The following MLIP variants were observed in gnomAD, a reference collection of about 807,000 sequenced individuals.
MLIP encodes muscular LMNA interacting protein.
A neutral mutation model predicts 84.8 loss-of-function variants in MLIP; 79 were observed. The ratio of observed to expected loss-of-function variants is 0.93; its 90% CI spans 0.78 to 1.12. MLIP has a LOEUF of 1.12. MLIP is among the 50% of genes most tolerant of loss of function. The probability of loss-of-function intolerance (pLI) is 0.00; values close to 1 mark genes in which losing one functional copy is unlikely to be tolerated. For missense variants in MLIP, 1,257 were observed against 1,160.6 expected, an observed-to-expected ratio of 1.08 and a Z score of -1.21; for synonymous variants, 504 against 463.0, an observed-to-expected ratio of 1.09 and a Z score of -1.14.
chr6:54,150,380 A>T (rs1419713817), intron 5 of MLIP, among the ~76,000 whole-genome samples: 1 of 152,164 alleles, frequency 6.6e-6, no homozygotes, highest in Non-Finnish European at 1.5e-5. Flanking sequence ...AGACTTCTGG[A>T]GGTTGTGGAA....
intron 11 of MLIP, among the ~76,000 whole-genome samples, chr6:54,222,458 G>A (rs569738866): frequency 5.3e-5 from 8 of 151,974 alleles, no homozygotes; most frequent in East Asian, 3.9e-4. Context: ...TTTAAGTTAC[G>A]TAATGCACTA....
intron 4 of MLIP, among the ~76,000 whole-genome samples, chr6:54,142,996 A>C (rs1274847645): frequency 6.6e-6 from 1 of 151,366 alleles, no homozygotes; most frequent in Non-Finnish European, 1.5e-5. Flanking sequence ...CATTTACTCC[A>C]CTCCCTTCAC....
intron 11 of MLIP, among the ~76,000 whole-genome samples, chr6:54,223,017 A>G (rs933044832): frequency 3.3e-5 from 5 of 151,998 alleles, no homozygotes; most frequent in South Asian, 2.1e-4. Context: ...CTCATTGGCC[A>G]TATCTTCTTT....
chr6:54,200,461 C>T (rs1778593872), intron 10 of MLIP, among the ~76,000 whole-genome samples: 1 of 151,366 alleles, frequency 6.6e-6, no homozygotes, highest in Non-Finnish European at 1.5e-5. Flanking sequence ...GCAGGAAGTG[C>T]AGGAATAGGA....
intron 1 of MLIP, among the ~76,000 whole-genome samples, chr6:54,027,375 ACACACACACAC>A (rs1763873603): frequency 0.017 from 2 of 120 alleles, no homozygotes; most frequent in Non-Finnish European, 0.023. Flanking sequence ...TAAAAAAAAT[ACACACACACAC>A]ACACACACAC....
At chr6:54,036,350 A>G (rs1764440927) in intron 1 of MLIP, among the ~76,000 whole-genome samples, 1 of 151,890 alleles carries the variant, frequency 6.6e-6, no homozygotes, top group Admixed American at 6.6e-5. Context: ...CACCAATAAC[A>G]GACAAATAGA....
intron 1 of MLIP, among the ~76,000 whole-genome samples, chr6:54,093,995 A>G (rs1301141123): frequency 6.6e-6 from 1 of 152,206 alleles, no homozygotes; most frequent in Non-Finnish European, 1.5e-5. Flanking sequence ...TATCCAAAGA[A>G]CAGTAGCTGT....
chr6:54,247,485 A>C (rs1782161785), intron 12 of MLIP, among the ~76,000 whole-genome samples: 1 of 152,198 alleles, frequency 6.6e-6, no homozygotes, highest in African/African-American at 2.4e-5. Context: ...TGACAGGACC[A>C]TATAGTCAGA....
At chr6:54,096,324 A>G (rs1378539816) in intron 1 of MLIP, among the ~76,000 whole-genome samples, 1 of 152,176 alleles carries the variant, frequency 6.6e-6, no homozygotes, top group South Asian at 2.1e-4. Flanking sequence ...TATTATTAAA[A>G]TTGGTACTTT....
chr6:54,174,891 T>C (rs1776129600), intron 9 of MLIP, among the ~76,000 whole-genome samples: 1 of 152,068 alleles, frequency 6.6e-6, no homozygotes, highest in Non-Finnish European at 1.5e-5. Context: ...GTCTTAGGTT[T>C]AAGTATTTAA....
intron 1 of MLIP, among the ~76,000 whole-genome samples, chr6:54,120,240 AT>A (rs10708240): frequency 0.54 from 78,460 of 144,754 alleles, 22,148 homozygotes; most frequent in South Asian, 0.69. Context: ...TCTTTTTTTT[AT>A]TTTTTTTTTT....
At chr6:54,102,020 G>A (rs1768690434) in intron 1 of MLIP, among the ~76,000 whole-genome samples, 1 of 152,038 alleles carries the variant, frequency 6.6e-6, no homozygotes, top group African/African-American at 2.4e-5. Context: ...CTACTGCGTT[G>A]TTATATACTC....
At chr6:54,228,315 A>C (rs1288795686) in intron 11 of MLIP, among the ~76,000 whole-genome samples, 1 of 152,192 alleles carries the variant, frequency 6.6e-6, no homozygotes, top group African/African-American at 2.4e-5. Context: ...ATGTATACAA[A>C]CATAGAAGGC....
chr6:54,170,910 A>G (rs930946474), intron 9 of MLIP, among the ~76,000 whole-genome samples: 1 of 151,508 alleles, frequency 6.6e-6, no homozygotes, highest in Non-Finnish European at 1.5e-5. Flanking sequence ...TGGGTACAAG[A>G]AAAGAAAGTT....
In MLIP at chr6:54,160,596, T is replaced by A; in HGVS notation, c.2436T>A (p.Ser812=). ...TIDKVLQDSL[S]MHSSDSPSRS... is the part of the protein sequence containing the mutation. ...ATAAGGTCTTACAGGATTCCTTGTC[T>A]ATGGTAATGCTTTAGACTAGAATGT... Residue 812 remains serine (S), a synonymous_variant, in exon 7 of 14, where the codon TCT becomes TCA. Coordinates refer to ENST00000502396, the MANE Select transcript of MLIP (RefSeq NM_001281747.2). The A allele has an allele frequency of 6.2e-7, 1 of 1,606,326 alleles. No homozygotes were observed. The highest frequency in any genetic ancestry group is 8.5e-7 in the Non-Finnish European group (1 of 1,173,814).
chr6:54,196,319 G>A (rs76934484), intron 10 of MLIP, among the ~76,000 whole-genome samples: 1,555 of 152,208 alleles, frequency 0.01, 57 homozygotes, highest in East Asian at 0.094. Context: ...GCATGAATTA[G>A]CATATTTTCC....
chr6:54,092,801 A>G (rs1438337882), intron 1 of MLIP, among the ~76,000 whole-genome samples: 1 of 152,174 alleles, frequency 6.6e-6, no homozygotes, highest in Admixed American at 6.6e-5. Context: ...AGTCCCATTG[A>G]CTTTCCATCA....
intron 1 of MLIP, among the ~76,000 whole-genome samples, chr6:54,070,991 T>A (rs1354063867): frequency 6.6e-6 from 1 of 152,168 alleles, no homozygotes; most frequent in African/African-American, 2.4e-5. Context: ...TTTCCCATCA[T>A]GGACCCATTG....
chr6:54,068,093 CTCT>C, intron 1 of MLIP, among the ~76,000 whole-genome samples: 2 of 26,296 alleles, frequency 7.6e-5, no homozygotes, highest in African/African-American at 1.4e-4. Context: ...CCTTCTTTTT[CTCT>C]CTCCCTCCCT....
Sources: allele counts gnomAD v4.1 joint callset (sites outside exome capture counted in the v4.1 genomes callset), GRCh38; gene constraint gnomAD v4.1.1; transcripts MANE v1.5; gene names NCBI Gene and HGNC (gene_info 2026-07-23, HGNC 2026-07-21).